KCNQ3: variants seen among roughly 807,000 people sequenced by gnomAD.
The protein encoded by KCNQ3 is potassium voltage-gated channel subfamily Q member 3, also known as potassium voltage-gated channel subfamily KQT member 3.
In KCNQ3, 30 loss-of-function variants were observed where a neutral mutation model predicts 92.5. The ratio of observed to expected loss-of-function variants is 0.32; its 90% CI spans 0.24 to 0.44. KCNQ3 has a LOEUF of 0.44. Among genes scored for constraint, KCNQ3 ranks in the 20% least tolerant of loss-of-function variants. KCNQ3 has a pLI of 1.00. For synonymous variants in KCNQ3, 450 were observed against 468.8 expected, an observed-to-expected ratio of 0.96 and a Z score of 0.52; for missense variants, 913 against 1,140.3, an observed-to-expected ratio of 0.80 and a Z score of 2.87.
chr8:132,294,001 T>TGTGTGTG (rs1816941529), intron 1 of KCNQ3, among the ~76,000 whole-genome samples: 1 of 16,966 alleles, frequency 5.9e-5, no homozygotes, highest in African/African-American at 1.2e-4. Context: ...GTGTGTGTGG[T>TGTGTGTG]TTTTTTTTTT....
intron 1 of KCNQ3, among the ~76,000 whole-genome samples, chr8:132,211,507 T>C (rs1563806598): frequency 6.6e-6 from 1 of 152,248 alleles, no homozygotes; most frequent in Non-Finnish European, 1.5e-5. Context: ...TTCAATACTC[T>C]GATCTATAAA....
chr8:132,398,159 A>G (rs1354829161), intron 1 of KCNQ3, among the ~76,000 whole-genome samples: 1 of 152,100 alleles, frequency 6.6e-6, no homozygotes, highest in African/African-American at 2.4e-5. Context: ...TTTTTTTGTC[A>G]AAAGTAAACA....
At chr8:132,252,923 T>C (rs1815464210) in intron 1 of KCNQ3, among the ~76,000 whole-genome samples, 1 of 152,166 alleles carries the variant, frequency 6.6e-6, no homozygotes, top group Admixed American at 6.5e-5. Context: ...CTACTCTGGG[T>C]AAAACACTGC....
chr8:132,248,066 C>A (rs1435549763), intron 1 of KCNQ3, among the ~76,000 whole-genome samples: 1 of 152,064 alleles, frequency 6.6e-6, no homozygotes, highest in African/African-American at 2.4e-5. Context: ...GGATTCAAAC[C>A]CAGGTGTCTG....
At chr8:132,147,872 C>T (rs2130955554) in intron 9 of KCNQ3, among the ~76,000 whole-genome samples, 2 of 152,310 alleles carry the variant, frequency 1.3e-5, no homozygotes, top group Middle Eastern at 6.8e-3. Context: ...ATTCTTTCAT[C>T]CTTTAATCTT....
intron 1 of KCNQ3, among the ~76,000 whole-genome samples, chr8:132,474,998 C>T (rs181275969): frequency 2.0e-5 from 3 of 152,182 alleles, no homozygotes; most frequent in African/African-American, 4.8e-5. Flanking sequence ...TTGCTCTTGT[C>T]GTGATAGAAT....
intron 1 of KCNQ3, among the ~76,000 whole-genome samples, chr8:132,266,391 T>C (rs980921516): frequency 1.3e-5 from 2 of 152,202 alleles, no homozygotes; most frequent in Non-Finnish European, 2.9e-5. Flanking sequence ...TCTAGTAATA[T>C]GTCACAAGTT....
intron 1 of KCNQ3, among the ~76,000 whole-genome samples, chr8:132,246,269 C>T (rs755920125): frequency 3.3e-5 from 5 of 152,122 alleles, no homozygotes; most frequent in African/African-American, 7.2e-5. Flanking sequence ...ATAATTGCTT[C>T]GAAATAGCCA....
At position 132,194,613 on chromosome 8, in the gene KCNQ3, T is replaced by C. The variant is rs1246117579; in HGVS notation, c.387-8432A>G. Among the ~76,000 whole-genome samples the C allele has an allele frequency of 3.9e-5, 6 of 152,238 alleles. No individual in the cohort carries two copies. The South Asian group carries it at 1.0e-3, about 26-fold the overall frequency. On this transcript the variant is annotated intron_variant, in intron 1 of 14. Coordinates refer to ENST00000388996, the MANE Select transcript of KCNQ3 (RefSeq NM_004519.4). ...AATGCCATTATTGATTCGTGATGTC[T>C]GTCACAGGTGCAGGAAAAGACCAAC...
In KCNQ3 at chr8:132,469,679, C is replaced by A. The variant is rs61201729; in HGVS notation, c.386+10468G>T. 4.8e-3 allele frequency among the ~76,000 whole-genome samples: 734 copies of A among 151,932 alleles called. 5 individuals carry two copies. The highest frequency in any genetic ancestry group is 0.017 in the African/African-American group (695 of 41,406). ...TTGCATTCTGTGAAGACCTCCAGAC[C>A]CAAACCAAAGAGAAAAAAGGAGCAG... On this transcript the variant is annotated intron_variant, in intron 1 of 14. Coordinates refer to ENST00000388996, the MANE Select transcript of KCNQ3 (RefSeq NM_004519.4).
intron 9 of KCNQ3, among the ~76,000 whole-genome samples, chr8:132,149,799 G>C (rs578044866): frequency 1.3e-5 from 2 of 152,098 alleles, no homozygotes; most frequent in Non-Finnish European, 2.9e-5. Flanking sequence ...GCCATGCAGG[G>C]TAAGTATGAG....
chr8:132,278,603 TAAG>T (rs1292687780), intron 1 of KCNQ3, among the ~76,000 whole-genome samples: 7 of 152,216 alleles, frequency 4.6e-5, no homozygotes, highest in Non-Finnish European at 8.8e-5. Context: ...AAGTTAGTGA[TAAG>T]AACAAGATCC....
At chr8:132,231,998 C>G (rs188734569) in intron 1 of KCNQ3, among the ~76,000 whole-genome samples, 1 of 152,294 alleles carries the variant, frequency 6.6e-6, no homozygotes, top group South Asian at 2.1e-4. Context: ...GGAATAGTGA[C>G]TACCATCCCA....
At chr8:132,465,259 C>T (rs1040220708) in intron 1 of KCNQ3, among the ~76,000 whole-genome samples, 1 of 152,152 alleles carries the variant, frequency 6.6e-6, no homozygotes, top group African/African-American at 2.4e-5. Flanking sequence ...ATGTTTCTCA[C>T]ATTATAAATT....
intron 9 of KCNQ3, among the ~76,000 whole-genome samples, chr8:132,155,055 C>T (rs780856026): frequency 4.6e-5 from 7 of 152,178 alleles, no homozygotes; most frequent in Admixed American, 1.3e-4. Context: ...CCTGTTCTCT[C>T]GTTTCTGGTA....
At chr8:132,227,531 C>T (rs1251514047) in intron 1 of KCNQ3, among the ~76,000 whole-genome samples, 1 of 152,080 alleles carries the variant, frequency 6.6e-6, no homozygotes, top group Non-Finnish European at 1.5e-5. Flanking sequence ...ACTTCCAGCC[C>T]CCAGAATTGT....
intron 9 of KCNQ3, among the ~76,000 whole-genome samples, chr8:132,155,376 T>G (rs1211869969): frequency 6.6e-6 from 1 of 151,822 alleles, no homozygotes; most frequent in Non-Finnish European, 1.5e-5. Flanking sequence ...TTGATCTGAC[T>G]CCTAAACTAG....
intron 9 of KCNQ3, among the ~76,000 whole-genome samples, chr8:132,147,405 A>G (rs918577603): frequency 6.6e-6 from 1 of 152,192 alleles, no homozygotes; most frequent in Non-Finnish European, 1.5e-5. Context: ...GAAAAAATCA[A>G]AAGTGGAGTT....
chr8:132,334,993 T>TCTTCCTTCCTTCCTTCCTTCCTTC (rs68135959), intron 1 of KCNQ3, among the ~76,000 whole-genome samples: 1 of 149,632 alleles, frequency 6.7e-6, no homozygotes. Context: ...TAGACATTTT[T>TCTTCCTTCCTTCCTTCCTTCCTTC]CTTCCTTCCT....
Sources: gnomAD v4.1 joint callset for allele counts (sites outside exome capture counted in the v4.1 genomes callset) on GRCh38, gnomAD v4.1.1 for gene constraint, MANE v1.5 for transcripts, NCBI Gene and HGNC (gene_info 2026-07-23, HGNC 2026-07-21) for gene names.